ZSCAN12: variants seen among roughly 807,000 people sequenced by gnomAD.
ZSCAN12 encodes zinc finger and SCAN domain containing 12.
A neutral mutation model predicts 23.4 loss-of-function variants in ZSCAN12; 18 were observed. That is an observed-to-expected ratio of 0.77 (90% CI 0.53 to 1.14). The LOEUF (loss-of-function observed/expected upper bound fraction) is 1.14. ZSCAN12 is among the 50% of genes most tolerant of loss of function. The pLI is 0.00. For missense variants in ZSCAN12, 650 were observed against 735.0 expected, an observed-to-expected ratio of 0.88 and a Z score of 1.34; for synonymous variants, 186 against 253.4, an observed-to-expected ratio of 0.73 and a Z score of 2.53.
At chr6:28,384,021 T>C (rs992514966), downstream of ZSCAN12, among the ~76,000 whole-genome samples, 1 of 150,894 alleles carries the variant, frequency 6.6e-6, no homozygotes, top group Admixed American at 6.6e-5. Context: ...ACTATTATCC[T>C]TGTCATTTTA....
chr6:28,384,161 A>G (rs1199640537), downstream of ZSCAN12, among the ~76,000 whole-genome samples: 1 of 152,184 alleles, frequency 6.6e-6, no homozygotes, highest in East Asian at 1.9e-4. Flanking sequence ...AGGAATAAGT[A>G]GGGAATTTGG....
In ZSCAN12 at chr6:28,387,898, C is replaced by A. The variant is rs1760630014; in HGVS notation, c.*2556G>T. Among the ~76,000 whole-genome samples, 1 of 152,154 alleles carries A rather than the reference C, an allele frequency of 6.6e-6. No individual in the cohort carries two copies. Among genetic ancestry groups the A allele is most frequent in the Non-Finnish European group, 1.5e-5 (1 of 68,034 alleles). Reference sequence around the variant, plus strand: ...GAGCCGAGCCCAACATTTGTACTGACTTAAGATGGTACTTTAGGACAGTAG... The same window carrying A: ...GAGCCGAGCCCAACATTTGTACTGAATTAAGATGGTACTTTAGGACAGTAG... On this transcript the variant is annotated 3_prime_UTR_variant, in exon 4 of 4. Coordinates refer to ENST00000684592, the MANE Select transcript of ZSCAN12 (RefSeq NM_001163391.2).
Position 28,390,763 on chromosome 6 carries a change from T to C in ZSCAN12, c.1527A>G (p.Arg509=). 5.0e-6 allele frequency: 8 copies of C among 1,608,404 alleles called. No individual in the cohort carries two copies. The highest frequency in any genetic ancestry group is 6.8e-6 in the Non-Finnish European group (8 of 1,177,076). Residue 509 remains arginine (R), a synonymous_variant, in exon 4 of 4, where the codon AGA becomes AGG. Coordinates refer to ENST00000684592, the MANE Select transcript of ZSCAN12 (RefSeq NM_001163391.2). ...CDKCGKAFTQ[R]SVLTEHQRIH... ...TTCTCTGATGTTCCGTGAGGACTGA[T>C]CTTTGAGTAAACGCCTTCCCACACT...
At chr6:28,399,385 T>C (rs551375350) in intron 1 of ZSCAN12, among the ~76,000 whole-genome samples, 1 of 152,338 alleles carries the variant, frequency 6.6e-6, no homozygotes, top group Non-Finnish European at 1.5e-5. Flanking sequence ...TGTCCAGAAA[T>C]GTCGGTAAGC....
chr6:28,386,597 T>G lies in ZSCAN12; in HGVS notation c.*3857A>C, dbSNP rs564686354. Among the ~76,000 whole-genome samples the G allele has an allele frequency of 2.6e-5, 4 of 152,218 alleles. No homozygotes were observed. The highest frequency in any genetic ancestry group is 4.4e-5 in the Non-Finnish European group (3 of 68,026). ...TAATGTAGCACTCCTATTCCATATCTAACATGTCACATCCTCCATTTGCCC... is the reference window on the plus strand; with the variant it reads ...TAATGTAGCACTCCTATTCCATATCGAACATGTCACATCCTCCATTTGCCC... On this transcript the variant is annotated 3_prime_UTR_variant, in exon 4 of 4. Coordinates refer to ENST00000684592, the MANE Select transcript of ZSCAN12 (RefSeq NM_001163391.2).
At chr6:28,396,971 C>G (rs1423979896) in intron 2 of ZSCAN12, among the ~76,000 whole-genome samples, 1 of 152,140 alleles carries the variant, frequency 6.6e-6, no homozygotes, top group Non-Finnish European at 1.5e-5. Context: ...CATTTTGTAT[C>G]ACAGTGCTAG....
At position 28,387,361 on chromosome 6, in the gene ZSCAN12, G is replaced by A. The variant is rs1435834806; in HGVS notation, c.*3093C>T. On this transcript the variant is annotated 3_prime_UTR_variant, in exon 4 of 4. Coordinates refer to ENST00000684592, the MANE Select transcript of ZSCAN12 (RefSeq NM_001163391.2). The stretch of plus-strand genomic sequence containing the variant: ...GAGTAGAAGGCAAGTTTAAAACAAC[G>A]ATTGCATTCCAGCGAGCAGTCAGAT... Among the ~76,000 whole-genome samples, 2 of 152,178 alleles carry A rather than the reference G, an allele frequency of 1.3e-5. No individual in the cohort carries two copies. Among genetic ancestry groups the A allele is most frequent in the African/African-American group, 2.4e-5 (1 of 41,442 alleles).
rs1374202019 is a variant in ZSCAN12 at position 28,389,882 on chromosome 6, C to G, written c.*572G>C. Reference sequence around the variant, plus strand: ...TTAGATGAAATTATTCACACTCTGGCCCTCTTATGTGTCTGTCCCCAAGCT... The same window carrying G: ...TTAGATGAAATTATTCACACTCTGGGCCTCTTATGTGTCTGTCCCCAAGCT... On this transcript the variant is annotated 3_prime_UTR_variant, in exon 4 of 4. Transcript: ENST00000684592. Among the ~76,000 whole-genome samples the G allele has an allele frequency of 6.6e-6, 1 of 152,164 alleles. No homozygotes were observed. Among genetic ancestry groups the G allele is most frequent in the Non-Finnish European group, 1.5e-5 (1 of 68,026 alleles).
chr6:28,385,843 A>G lies in ZSCAN12; in HGVS notation c.*4611T>C, dbSNP rs1760514808. Among the ~76,000 whole-genome samples, 1 of 152,228 alleles carries G rather than the reference A, an allele frequency of 6.6e-6. No homozygotes were observed. The highest frequency in any genetic ancestry group is 2.1e-4 in the South Asian group (1 of 4,830). ...TATAACAACTCTACAAATAATCTGT[A>G]TATTAACAAAAGTGGCTACTTCTGT... On this transcript the variant is annotated 3_prime_UTR_variant, in exon 4 of 4. Coordinates refer to ENST00000684592, the MANE Select transcript of ZSCAN12 (RefSeq NM_001163391.2).
At position 28,393,022 on chromosome 6, in the gene ZSCAN12, C is replaced by T; in HGVS notation, c.427G>A (p.Glu143Lys). The T allele has an allele frequency of 1.3e-6, 2 of 1,551,792 alleles. No individual in the cohort carries two copies. The highest frequency in any genetic ancestry group is 1.7e-6 in the Non-Finnish European group (2 of 1,146,980). Residue 143 changes from glutamate to lysine, a missense_variant, in exon 3 of 4, where the codon GAA becomes AAA. Coordinates refer to ENST00000684592, the MANE Select transcript of ZSCAN12 (RefSeq NM_001163391.2). ...EQVSVHTGEQ[E>K]MFLQETVRLR... is the part of the protein sequence containing the mutation. ...CGTACCGTCTCCTGCAAGAACATTTCCTGTTCCCCAGTGTGGACTGAGACC... is the reference window on the plus strand; with the variant it reads ...CGTACCGTCTCCTGCAAGAACATTTTCTGTTCCCCAGTGTGGACTGAGACC...
rs1191612965 is a variant in ZSCAN12 at position 28,397,992 on chromosome 6, C to CT, written c.402+11dup. The CT allele has an allele frequency of 6.5e-7, 1 of 1,549,068 alleles. No individual in the cohort carries two copies. The highest frequency in any genetic ancestry group is 8.7e-7 in the Non-Finnish European group (1 of 1,151,164). ...ATGTTTTCTCAAGCAGAAGTCACATCTTTTTTCTCACCTGCTCTCCTGGTT... is the reference window on the plus strand; with the variant it reads ...ATGTTTTCTCAAGCAGAAGTCACATCTTTTTTTCTCACCTGCTCTCCTGGTT... On this transcript the variant is annotated intron_variant, in intron 2 of 3. Transcript: ENST00000684592.
In ZSCAN12 at chr6:28,391,025, G is replaced by T; in HGVS notation, c.1265C>A (p.Ala422Asp). 6.4e-7 allele frequency: 1 copy of T among 1,557,348 alleles called. No individual in the cohort carries two copies. Among genetic ancestry groups the T allele is most frequent in the Non-Finnish European group, 8.7e-7 (1 of 1,149,924 alleles). Residue 422 changes from alanine to aspartate, a missense_variant, in exon 4 of 4, where the codon GCC (alanine) becomes GAC (aspartate). Coordinates refer to ENST00000684592, the MANE Select transcript of ZSCAN12 (RefSeq NM_001163391.2). This position sits in a 1 kb window ranked among gnomAD's most constrained non-coding sequence, Gnocchi z 4.1. ...KPYECNECGK[A>D]FVYNSSLVSH... is the part of the protein sequence containing the mutation. ...AACAAGGGATGAGTTATAAACAAAGGCTTTTCCACACTCGTTGCACTCATA... is the reference window on the plus strand; with the variant it reads ...AACAAGGGATGAGTTATAAACAAAGTCTTTTCCACACTCGTTGCACTCATA...
rs1760588394 is a variant in ZSCAN12, at chr6:28,387,105, GT to G, written c.*3348del. ...CTCCCAAAGTGCTGGGATTATAAGT[GT>G]GAGCCACTGCACCCAGCCTCCACAT... On this transcript the variant is annotated 3_prime_UTR_variant, in exon 4 of 4. Coordinates refer to ENST00000684592, the MANE Select transcript of ZSCAN12 (RefSeq NM_001163391.2). 6.6e-6 allele frequency among the ~76,000 whole-genome samples: 1 copy of G among 152,150 alleles called. No individual in the cohort carries two copies. Among genetic ancestry groups the G allele is most frequent in the Non-Finnish European group, 1.5e-5 (1 of 68,036 alleles).
At chr6:28,379,762 T>C (rs1269417102), downstream of ZSCAN12, 7 of 152,188 alleles carry the variant, frequency 4.6e-5, no homozygotes, top group Non-Finnish European at 7.4e-5. Flanking sequence ...TGAAACATGA[T>C]ATATGTGATT....
downstream of ZSCAN12, among the ~76,000 whole-genome samples, chr6:28,384,446 C>G (rs1305534976): frequency 6.6e-6 from 1 of 152,110 alleles, no homozygotes; most frequent in Non-Finnish European, 1.5e-5. Context: ...AGACATATAC[C>G]CTAGAGATTA....
At chr6:28,383,137 T>C (rs2859360), downstream of ZSCAN12, among the ~76,000 whole-genome samples, 629 of 152,256 alleles carry the variant, frequency 4.1e-3, 2 homozygotes, top group African/African-American at 0.01. Flanking sequence ...GATTCTGTCT[T>C]TTCTTGTACT....
Position 28,391,699 on chromosome 6 carries a change from T to G in ZSCAN12, c.591A>C (p.Gln197His). The G allele has an allele frequency of 6.5e-7, 1 of 1,544,992 alleles. No individual in the cohort carries two copies. The highest frequency in any genetic ancestry group is 8.7e-7 in the Non-Finnish European group (1 of 1,146,084). The change falls in exon 4 of 4, where the codon CAA becomes CAC. Residue 197 changes from glutamine (Q) to histidine (H), a missense_variant. Transcript: ENST00000684592. The surrounding 1 kb of genome is among the most constrained non-coding windows in gnomAD (Gnocchi z 4.1). Reference protein sequence around the residue: ...ETGNEYGNLKQEVSEEMEPHG... With the variant: ...ETGNEYGNLKHEVSEEMEPHG... ...GTGGTTCCATTTCTTCAGAAACTTC[T>G]TGCTTTAAATTCCCATACTCATTTC...
rs1561958454 is a variant in ZSCAN12, at chr6:28,390,936, T to G, written c.1354A>C (p.Ser452Arg). The stretch of plus-strand genomic sequence containing the variant: ...TGATGCTGAATAAGGCCACTCTGAC[T>G]GAAGGATTTCCCACATTCCTTACAC... ...YQCKECGKSFSQSGLIQHQRI... is the reference protein window; with the variant it reads ...YQCKECGKSFRQSGLIQHQRI... The change falls in exon 4 of 4, where the codon AGT becomes CGT. Residue 452 changes from serine (S) to arginine (R), a missense_variant. By Grantham distance (110) the Ser-to-Arg change is moderately radical. Coordinates refer to ENST00000684592, the MANE Select transcript of ZSCAN12 (RefSeq NM_001163391.2). 1.9e-6 allele frequency: 3 copies of G among 1,562,272 alleles called. No homozygotes were observed. The East Asian group carries it at 7.2e-5, about 37-fold the overall frequency.
At position 28,388,985 on chromosome 6, in the gene ZSCAN12, A is replaced by G. The variant is rs1329267561; in HGVS notation, c.*1469T>C. Among the ~76,000 whole-genome samples, 1 of 152,208 alleles carries G rather than the reference A, an allele frequency of 6.6e-6. No individual in the cohort carries two copies. The highest frequency in any genetic ancestry group is 2.4e-5 in the African/African-American group (1 of 41,452). The stretch of plus-strand genomic sequence containing the variant: ...AAGCAGAATTTTTACTCAGCAAGGC[A>G]AGGTTAGAGTCAACCAGTTTTGGTT... On this transcript the variant is annotated 3_prime_UTR_variant, in exon 4 of 4. Transcript: ENST00000684592.
Sources: gnomAD v4.1 joint callset for allele counts (sites outside exome capture counted in the v4.1 genomes callset) on GRCh38, gnomAD v4.1.1 for gene constraint, Gnocchi (gnomAD v3.1) non-coding constraint, MANE v1.5 for transcripts, NCBI Gene and HGNC (gene_info 2026-07-23, HGNC 2026-07-21) for gene names.